The following SYNDIG1 variants were observed in gnomAD, a reference collection of about 807,000 sequenced individuals.
SYNDIG1 encodes the protein synapse differentiation-inducing gene protein 1.
SYNDIG1 carries 9 observed loss-of-function variants against 19.4 expected under a neutral mutation model. That is an observed-to-expected ratio of 0.46 (90% CI 0.28 to 0.81). The LOEUF (loss-of-function observed/expected upper bound fraction) is 0.81, where lower values mean the gene tolerates loss of function less well. Among genes scored for constraint, SYNDIG1 ranks in the 30% least tolerant of loss-of-function variants. SYNDIG1 has a pLI of 0.12. For missense variants in SYNDIG1, 311 were observed against 343.3 expected (o/e 0.91, Z 0.74); for synonymous variants, 141 against 145.9 (o/e 0.97, Z 0.24).
chr20:24,475,863 C>CTT (rs796790374), intron 1 of SYNDIG1, among the ~76,000 whole-genome samples: 2,482 of 144,452 alleles, frequency 0.017, 77 homozygotes, highest in African/African-American at 0.06. Context: ...TGCATAGTAT[C>CTT]TTTTTTTTTT....
At chr20:24,567,836 G>A (rs1044694416) in intron 2 of SYNDIG1, among the ~76,000 whole-genome samples, 2 of 152,220 alleles carry the variant, frequency 1.3e-5, no homozygotes, top group African/African-American at 2.4e-5. Flanking sequence ...TGTGTCTGCA[G>A]TTGCTAGAAA....
intron 2 of SYNDIG1, among the ~76,000 whole-genome samples, chr20:24,552,735 G>C (rs557311531): frequency 6.6e-6 from 1 of 152,280 alleles, no homozygotes; most frequent in Admixed American, 6.5e-5. Context: ...TTGGTTCCAA[G>C]TCTTTGCTAT....
At chr20:24,595,556 A>G (rs34037240) in intron 3 of SYNDIG1, among the ~76,000 whole-genome samples, 1 of 152,130 alleles carries the variant, frequency 6.6e-6, no homozygotes. Context: ...TTTTTGTAAT[A>G]GTTTCAGTAG....
intron 2 of SYNDIG1, among the ~76,000 whole-genome samples, chr20:24,570,958 G>C (rs1409732619): frequency 1.3e-5 from 2 of 152,162 alleles, no homozygotes; most frequent in Non-Finnish European, 2.9e-5. Flanking sequence ...AAAAATGAAT[G>C]AACTATGGAT....
chr20:24,500,798 T>G (rs1172514174), intron 1 of SYNDIG1, among the ~76,000 whole-genome samples: 1 of 152,184 alleles, frequency 6.6e-6, no homozygotes, highest in Non-Finnish European at 1.5e-5. Context: ...AGGAGGACAC[T>G]GCAGAGTGTG....
chr20:24,572,516 C>T (rs542994722), intron 2 of SYNDIG1, among the ~76,000 whole-genome samples: 7 of 152,278 alleles, frequency 4.6e-5, no homozygotes, highest in African/African-American at 1.4e-4. Flanking sequence ...CTCTTGAGAG[C>T]GTGGAGCGAC....
At chr20:24,651,401 A>G (rs972493748) in intron 3 of SYNDIG1, among the ~76,000 whole-genome samples, 10 of 152,230 alleles carry the variant, frequency 6.6e-5, no homozygotes, top group African/African-American at 2.2e-4. Flanking sequence ...TTCCCCACCA[A>G]GAGCCTATCC....
chr20:24,629,567 C>T (rs1468999972), intron 3 of SYNDIG1, among the ~76,000 whole-genome samples: 5 of 151,780 alleles, frequency 3.3e-5, no homozygotes, highest in South Asian at 4.2e-4. Flanking sequence ...CCTAGGCCCA[C>T]GCAGCAGACA....
intron 1 of SYNDIG1, among the ~76,000 whole-genome samples, chr20:24,470,875 C>G (rs951715143): frequency 3.3e-5 from 5 of 152,000 alleles, no homozygotes; most frequent in Non-Finnish European, 5.9e-5. Flanking sequence ...CCGCGGCGCT[C>G]CTGGCTCGGA....
rs1376624691 is a variant in SYNDIG1, at chr20:24,571,207, A to G, written c.481-13649A>G. Among the ~76,000 whole-genome samples, 7 of 152,298 alleles carry G rather than the reference A, an allele frequency of 4.6e-5. No individual in the cohort carries two copies. In the East Asian group the frequency reaches 1.3e-3, roughly 29 times the overall value. ...TCTGTATCTTGGCATACATCTATAC[A>G]TGCAACAAAATCCATAGAACTACAC... On this transcript the variant is annotated intron_variant, in intron 2 of 3. Transcript: ENST00000376862.
chr20:24,613,894 G>A (rs1485071237), intron 3 of SYNDIG1, among the ~76,000 whole-genome samples: 1 of 152,232 alleles, frequency 6.6e-6, no homozygotes, highest in Admixed American at 6.5e-5. Context: ...TGAATGGAGA[G>A]GCCATGCTGC....
chr20:24,603,263 G>T (rs1171141979), intron 3 of SYNDIG1, among the ~76,000 whole-genome samples: 1 of 152,082 alleles, frequency 6.6e-6, no homozygotes, highest in Non-Finnish European at 1.5e-5. Flanking sequence ...ATTGTTCGTG[G>T]CTAGGATCAA....
In SYNDIG1 at chr20:24,639,283, T is replaced by C. The variant is rs141729460; in HGVS notation, c.619-26063T>C. ...TCAGCAGAGGCATGAACCAGGTGCA[T>C]GTGCCCACTGGCTCCAGTGCTACTG... On this transcript the variant is annotated intron_variant, in intron 3 of 3. Coordinates refer to ENST00000376862, the MANE Select transcript of SYNDIG1 (RefSeq NM_024893.3). Among the ~76,000 whole-genome samples, 44 of 152,272 alleles carry C rather than the reference T, an allele frequency of 2.9e-4. 1 individual carries two copies. In the East Asian group the frequency reaches 6.6e-3, roughly 23 times the overall value.
In SYNDIG1 at chr20:24,524,530, A is replaced by G. The variant is rs543661471; in HGVS notation, c.-78-18490A>G. Among the ~76,000 whole-genome samples the G allele has an allele frequency of 1.1e-4, 17 of 152,104 alleles. No homozygotes were observed. The East Asian group carries it at 1.4e-3, about 12-fold the overall frequency. On this transcript the variant is annotated intron_variant, in intron 1 of 3. Transcript: ENST00000376862. ...CGTGGTGGCGGGCGCCTGTAGTCCC[A>G]GCTACCCCGGGAGGCTGAGGCAGGA...
At chr20:24,473,945 G>C (rs928859928) in intron 1 of SYNDIG1, among the ~76,000 whole-genome samples, 1 of 152,196 alleles carries the variant, frequency 6.6e-6, no homozygotes, top group East Asian at 1.9e-4. Context: ...GCAAGCAGCA[G>C]AACCCAGAGT....
chr20:24,643,457 G>A (rs1227742902), intron 3 of SYNDIG1, among the ~76,000 whole-genome samples: 1 of 152,166 alleles, frequency 6.6e-6, no homozygotes, highest in Admixed American at 6.5e-5. Context: ...TTCATGAGAA[G>A]TAACTTTATC....
chr20:24,477,038 A>G (rs2055648174), intron 1 of SYNDIG1, among the ~76,000 whole-genome samples: 1 of 152,246 alleles, frequency 6.6e-6, no homozygotes, highest in Admixed American at 6.5e-5. Context: ...AACCATAGAC[A>G]TGAAATGTAT....
chr20:24,621,940 G>C (rs2059045466), intron 3 of SYNDIG1, among the ~76,000 whole-genome samples: 1 of 152,152 alleles, frequency 6.6e-6, no homozygotes, highest in South Asian at 2.1e-4. Flanking sequence ...ATTCTCACTT[G>C]AAAGTCTTAT....
chr20:24,492,870 T>A (rs545027357), intron 1 of SYNDIG1, among the ~76,000 whole-genome samples: 5 of 152,174 alleles, frequency 3.3e-5, no homozygotes, highest in Non-Finnish European at 7.3e-5. Context: ...ACTGACACAT[T>A]TTGGAAAGTG....
Sources: allele counts gnomAD v4.1 joint callset (sites outside exome capture counted in the v4.1 genomes callset), GRCh38; gene constraint gnomAD v4.1.1; transcripts MANE v1.5; gene names NCBI Gene and HGNC (gene_info 2026-07-23, HGNC 2026-07-21).